The following CSMD3 variants were observed in gnomAD, a reference collection of about 807,000 sequenced individuals.
CSMD3 encodes CUB and Sushi multiple domains 3, also known as CUB and sushi domain-containing protein 3.
A neutral mutation model predicts 435.2 loss-of-function variants in CSMD3; 177 were observed. That is an observed-to-expected ratio of 0.41 (90% confidence interval 0.36 to 0.46). CSMD3 has a LOEUF of 0.46. Ranked by LOEUF, CSMD3 falls within the 20% of genes least tolerant of loss-of-function variation. CSMD3 has a pLI of 0.34. For synonymous variants in CSMD3, 1,656 were observed against 1,520.5 expected (o/e 1.09, Z -2.07); for missense variants, 4,265 against 4,504.6 (o/e 0.95, Z 1.52).
chr8:113,283,962 T>C (rs930800036), intron 2 of CSMD3, among the ~76,000 whole-genome samples: 4 of 152,170 alleles, frequency 2.6e-5, no homozygotes, highest in Non-Finnish European at 4.4e-5. Flanking sequence ...CTGGAGACTA[T>C]TATTCTAAGC....
In CSMD3 at chr8:113,118,333, G is replaced by A. The variant is rs115194956; in HGVS notation, c.710-19370C>T. Among the ~76,000 whole-genome samples the A allele has an allele frequency of 4.7e-3, 720 of 152,110 alleles. 7 individuals are homozygous for A. The highest frequency in any genetic ancestry group is 0.016 in the African/African-American group (672 of 41,522). On this transcript the variant is annotated intron_variant, in intron 4 of 70. Transcript: ENST00000297405. ...GCTTATCTGATTAAATATGTTTTTT[G>A]CTTCTCAATATGTCCATAAAATTTA...
chr8:112,288,532 ACTC>A (rs1819442014), intron 57 of CSMD3, among the ~76,000 whole-genome samples: 2 of 152,034 alleles, frequency 1.3e-5, no homozygotes, highest in African/African-American at 4.8e-5. Context: ...ATGTAAAACA[ACTC>A]CTAGTAAGTC....
At position 112,975,864 on chromosome 8, in the gene CSMD3, T is replaced by C. The variant is rs1359953441; in HGVS notation, c.1315A>G (p.Lys439Glu). The C allele has an allele frequency of 1.2e-6, 2 of 1,613,676 alleles. No individual in the cohort carries two copies. The highest frequency in any genetic ancestry group is 2.2e-5 in the East Asian group (1 of 44,878). ...PRHAEQIERT[K>E]ELAVVTHRVK... ...CTATGAGTAACAACTGCAAGCTCTT[T>C]AGTTCTTTCTATCTGTTCAGCATGT... Residue 439 changes from lysine to glutamate, a missense_variant, in exon 7 of 71, where the codon AAA becomes GAA. Lys to Glu is a moderately conservative substitution (Grantham distance 56). This residue lies in a region of CSMD3 where 731 missense variants were observed against 755.4 expected (regional missense o/e 0.97). Transcript: ENST00000297405.
intron 32 of CSMD3, among the ~76,000 whole-genome samples, chr8:112,451,829 C>T (rs979372133): frequency 6.6e-6 from 1 of 152,116 alleles, no homozygotes; most frequent in Non-Finnish European, 1.5e-5. Context: ...TGAGCCACAG[C>T]GCCTGGCCCC....
At chr8:113,218,382 T>C (rs969025429) in intron 3 of CSMD3, among the ~76,000 whole-genome samples, 8 of 150,146 alleles carry the variant, frequency 5.3e-5, no homozygotes, top group Admixed American at 4.7e-4. Flanking sequence ...CATCTAAAAA[T>C]ATCTGAAACC....
At chr8:112,339,019 GCTGT>G (rs551538618) in intron 42 of CSMD3, among the ~76,000 whole-genome samples, 45 of 152,014 alleles carry the variant, frequency 3.0e-4, no homozygotes, top group Non-Finnish European at 4.9e-4. Context: ...GGAACCTAAG[GCTGT>G]CTAACACCAA....
Position 113,155,565 on chromosome 8 carries a change from T to C in CSMD3, c.709+18157A>G, listed in dbSNP as rs138234952. 2.0e-3 allele frequency among the ~76,000 whole-genome samples: 307 copies of C among 152,154 alleles called. 3 individuals carry two copies. The highest frequency in any genetic ancestry group is 0.01 in the Middle Eastern group (3 of 294). ...GAGGGCAAGACCACAGGGTCAAGTATTCAAGGTAAAGATCATAGAACAAAA... is the reference window on the plus strand; with the variant it reads ...GAGGGCAAGACCACAGGGTCAAGTACTCAAGGTAAAGATCATAGAACAAAA... On this transcript the variant is annotated intron_variant, in intron 4 of 70. Coordinates refer to ENST00000297405, the MANE Select transcript of CSMD3 (RefSeq NM_198123.2).
At chr8:113,107,953 A>C (rs1187015622) in intron 4 of CSMD3, among the ~76,000 whole-genome samples, 1 of 152,230 alleles carries the variant, frequency 6.6e-6, no homozygotes, top group African/African-American at 2.4e-5. Context: ...TGAACAAATA[A>C]ATGAATATAA....
intron 3 of CSMD3, among the ~76,000 whole-genome samples, chr8:113,209,097 G>A (rs2092803384): frequency 6.6e-6 from 1 of 152,044 alleles, no homozygotes; most frequent in African/African-American, 2.4e-5. Context: ...ACATTATAAT[G>A]GTTGATGTTA....
chr8:113,293,202 G>A (rs1189120763), intron 2 of CSMD3, among the ~76,000 whole-genome samples: 1 of 148,476 alleles, frequency 6.7e-6, no homozygotes, highest in Non-Finnish European at 1.5e-5. Context: ...CCTCTTACCT[G>A]ACCTTTAAGT....
Position 112,631,904 on chromosome 8 carries a change from G to A in CSMD3, c.3715+4913C>T, listed in dbSNP as rs547074532. The stretch of plus-strand genomic sequence containing the variant: ...GCCTAAATTAACCAGCTAATTAATG[G>A]TAAACTCTACGATCAATCTAAGTCT... On this transcript the variant is annotated intron_variant, in intron 22 of 70. Transcript: ENST00000297405. 3.9e-5 allele frequency among the ~76,000 whole-genome samples: 6 copies of A among 151,956 alleles called. No individual in the cohort carries two copies. The South Asian group carries it at 1.2e-3, about 32-fold the overall frequency.
intron 1 of CSMD3, among the ~76,000 whole-genome samples, chr8:113,403,905 C>G (rs182839020): frequency 2.0e-5 from 3 of 151,294 alleles, no homozygotes; most frequent in Non-Finnish European, 4.4e-5. Flanking sequence ...TTATGAGTCA[C>G]TCAAATGTAA....
intron 45 of CSMD3, among the ~76,000 whole-genome samples, chr8:112,326,445 C>T (rs1823519320): frequency 6.6e-6 from 1 of 152,118 alleles, no homozygotes; most frequent in South Asian, 2.1e-4. Context: ...TAAGAATCTG[C>T]TTCAGCTATC....
rs547161614 is a variant in CSMD3, at chr8:112,562,508, G to T, written c.4043-5554C>A. On this transcript the variant is annotated intron_variant, in intron 24 of 70. Coordinates refer to ENST00000297405, the MANE Select transcript of CSMD3 (RefSeq NM_198123.2). ...ACTTCCAGATTGCTAAATAAAAAAA[G>T]AAATAGATTGTTAAAAAGGAAATTG... Among the ~76,000 whole-genome samples, 483 of 151,256 alleles carry T rather than the reference G, an allele frequency of 3.2e-3. 4 individuals carry two copies. The highest frequency in any genetic ancestry group is 3.5e-3 in the Non-Finnish European group (239 of 67,600).
chr8:112,353,386 T>C (rs902183530), intron 38 of CSMD3, among the ~76,000 whole-genome samples: 18 of 151,762 alleles, frequency 1.2e-4, no homozygotes, highest in African/African-American at 4.1e-4. Context: ...CGAGACTTCA[T>C]CTCAAAAAAA....
intron 32 of CSMD3, among the ~76,000 whole-genome samples, chr8:112,429,061 C>G (rs1187301549): frequency 6.6e-6 from 1 of 152,002 alleles, no homozygotes; most frequent in African/African-American, 2.4e-5. Flanking sequence ...CATTTTACAA[C>G]CACTCTCAGA....
intron 23 of CSMD3, among the ~76,000 whole-genome samples, chr8:112,582,564 C>T (rs1311218904): frequency 6.6e-6 from 1 of 151,824 alleles, no homozygotes; most frequent in African/African-American, 2.4e-5. Context: ...CTATCTAAGC[C>T]ATGGTTAGGG....
intron 22 of CSMD3, among the ~76,000 whole-genome samples, chr8:112,630,942 TCACACACACACACACACACA>T (rs5894090): frequency 3.6e-5 from 5 of 140,498 alleles, no homozygotes; most frequent in African/African-American, 7.8e-5. Context: ...ACATCAGTAT[TCACACACACACACACACACA>T]CACACACACA....
chr8:112,942,139 T>C (rs765272827), intron 9 of CSMD3, among the ~76,000 whole-genome samples: 2 of 151,210 alleles, frequency 1.3e-5, no homozygotes, highest in Non-Finnish European at 3.0e-5. Context: ...CAACCAGTGT[T>C]TTTTTTTACT....
Sources: gnomAD v4.1 joint callset for allele counts (sites outside exome capture counted in the v4.1 genomes callset) on GRCh38, gnomAD v4.1.1 for gene constraint, gnomAD v4.1.1 regional missense constraint, MANE v1.5 for transcripts, NCBI Gene and HGNC (gene_info 2026-07-23, HGNC 2026-07-21) for gene names.